GABRA2: variants seen among roughly 807,000 people sequenced by gnomAD.
The protein encoded by GABRA2 is gamma-aminobutyric acid receptor subunit alpha-2.
In GABRA2, 16 loss-of-function variants were observed where a neutral mutation model predicts 48.7. The ratio of observed to expected loss-of-function variants is 0.33; its 90% CI spans 0.22 to 0.50. The LOEUF is 0.50. Ranked by LOEUF, GABRA2 falls within the 20% of genes least tolerant of loss-of-function variation. The probability of loss-of-function intolerance (pLI) is 0.98; values close to 1 mark genes in which losing one functional copy is unlikely to be tolerated. For missense variants in GABRA2, 275 were observed against 535.6 expected (o/e 0.51, Z 4.80); for synonymous variants, 185 against 184.5 (o/e 1.00, Z -0.02).
chr4:46,284,012 G>C (rs1197759554), intron 8 of GABRA2, among the ~76,000 whole-genome samples: 1 of 149,910 alleles, frequency 6.7e-6, no homozygotes, highest in Non-Finnish European at 1.5e-5. Context: ...GCCCACCTCA[G>C]CCTCCCAAAG....
At chr4:46,309,615 G>C (rs1456770094) in intron 6 of GABRA2, among the ~76,000 whole-genome samples, 2 of 151,814 alleles carry the variant, frequency 1.3e-5, no homozygotes, top group Non-Finnish European at 2.9e-5. Context: ...ACCTAAAGAA[G>C]AGCCAACTGC....
chr4:46,357,491 C>G (rs533912725), intron 3 of GABRA2, among the ~76,000 whole-genome samples: 9 of 150,100 alleles, frequency 6.0e-5, no homozygotes, highest in African/African-American at 2.0e-4. Context: ...ATGTGTATAA[C>G]CTTGGCCAAT....
intron 3 of GABRA2, among the ~76,000 whole-genome samples, chr4:46,355,281 G>A (rs1246606045): frequency 6.6e-6 from 1 of 152,078 alleles, no homozygotes; most frequent in African/African-American, 2.4e-5. Context: ...TATATAAGCA[G>A]TCAACAGACT....
In GABRA2 at chr4:46,330,056, C is replaced by T. The variant is rs185025381; in HGVS notation, c.255+2559G>A. ...GTGTGCATATACATACTCACTCACA[C>T]GCATGTATTCTGAAATATAAAAAGA... On this transcript the variant is annotated intron_variant, in intron 4 of 9. Transcript: ENST00000381620. Among the ~76,000 whole-genome samples the T allele has an allele frequency of 1.0e-3, 152 of 152,066 alleles. No individual in the cohort carries two copies. In the Middle Eastern group the frequency reaches 0.014, roughly 14 times the overall value.
At chr4:46,340,253 A>G (rs182612033) in intron 3 of GABRA2, among the ~76,000 whole-genome samples, 5 of 151,972 alleles carry the variant, frequency 3.3e-5, no homozygotes, top group Admixed American at 3.3e-4. Flanking sequence ...TATAAAATAC[A>G]CCCTTCTAAA....
chr4:46,290,306 A>G (rs1253029065), intron 8 of GABRA2, among the ~76,000 whole-genome samples: 1 of 152,028 alleles, frequency 6.6e-6, no homozygotes, highest in Non-Finnish European at 1.5e-5. Context: ...ATTTCTGAAA[A>G]AAAAAGCCAT....
chr4:46,384,655 T>G (rs897480650), intron 3 of GABRA2, among the ~76,000 whole-genome samples: 1 of 152,164 alleles, frequency 6.6e-6, no homozygotes, highest in South Asian at 2.1e-4. Flanking sequence ...AACATCTGCC[T>G]TAGTGCAATA....
intron 9 of GABRA2, among the ~76,000 whole-genome samples, chr4:46,251,256 G>A (rs551242400): frequency 2.0e-5 from 3 of 151,450 alleles, no homozygotes; most frequent in South Asian, 4.2e-4. Flanking sequence ...CTTTGTGTCC[G>A]TCTAGCTTGG....
chr4:46,303,392 G>A (rs1433973069), intron 8 of GABRA2, 68 bp downstream of exon 8: 6 of 1,431,636 alleles, frequency 4.2e-6, no homozygotes, highest in Non-Finnish European at 5.9e-6. Flanking sequence ...AGGATCAAGA[G>A]AGATAATGTT....
At chr4:46,377,388 C>A (rs1331473917) in intron 3 of GABRA2, among the ~76,000 whole-genome samples, 32 of 151,688 alleles carry the variant, frequency 2.1e-4, no homozygotes, top group African/African-American at 7.7e-4. Context: ...TGCCCTGCCG[C>A]CCCGTCCGGG....
At chr4:46,295,513 G>A (rs1215351343) in intron 8 of GABRA2, among the ~76,000 whole-genome samples, 2 of 152,158 alleles carry the variant, frequency 1.3e-5, no homozygotes, top group Non-Finnish European at 2.9e-5. Flanking sequence ...CTTGTCTATG[G>A]ACACCACCCA....
At chr4:46,294,121 A>G (rs769249468) in intron 8 of GABRA2, among the ~76,000 whole-genome samples, 1 of 152,226 alleles carries the variant, frequency 6.6e-6, no homozygotes, top group Non-Finnish European at 1.5e-5. Context: ...TCAGGGGTAT[A>G]TCAACTCTCT....
intron 9 of GABRA2, 174 bp downstream of exon 9, chr4:46,261,752 T>C (rs997278588): frequency 3.1e-6 from 2 of 639,556 alleles, no homozygotes; most frequent in Admixed American, 2.6e-5. Flanking sequence ...GAAGTATTAG[T>C]ACTACAAGAA....
At chr4:46,376,135 A>G (rs893212174) in intron 3 of GABRA2, among the ~76,000 whole-genome samples, 2 of 152,186 alleles carry the variant, frequency 1.3e-5, no homozygotes, top group Non-Finnish European at 2.9e-5. Context: ...AGTGGCTGGC[A>G]TATCACACTC....
chr4:46,280,026 A>T (rs1183460914), intron 8 of GABRA2, among the ~76,000 whole-genome samples: 3 of 152,104 alleles, frequency 2.0e-5, no homozygotes, highest in Admixed American at 6.6e-5. Context: ...CATGCCAGAC[A>T]TTCTTCTAGG....
At chr4:46,291,750 G>T (rs1156333494) in intron 8 of GABRA2, among the ~76,000 whole-genome samples, 2 of 148,782 alleles carry the variant, frequency 1.3e-5, no homozygotes, top group East Asian at 4.0e-4. Context: ...GTGATCATGT[G>T]AGTTAATACT....
intron 3 of GABRA2, among the ~76,000 whole-genome samples, chr4:46,348,409 G>C (rs937809723): frequency 2.6e-5 from 4 of 151,994 alleles, no homozygotes; most frequent in African/African-American, 4.8e-5. Context: ...ATTTGACCCA[G>C]CCATCCCATT....
Position 46,266,810 on chromosome 4 carries a change from C to T in GABRA2, c.857-4682G>A, listed in dbSNP as rs141653732. Among the ~76,000 whole-genome samples, 10 of 149,160 alleles carry T rather than the reference C, an allele frequency of 6.7e-5. 1 individual carries two copies. The East Asian group carries it at 2.0e-3, about 30-fold the overall frequency. ...GGTCTCAGCTTACTGCAACCTTTGC[C>T]TCCCAGGTTCAAGCAATTCTCCTGC... On this transcript the variant is annotated intron_variant, in intron 8 of 9. Coordinates refer to ENST00000381620, the MANE Select transcript of GABRA2 (RefSeq NM_000807.4).
intron 3 of GABRA2, among the ~76,000 whole-genome samples, chr4:46,359,070 G>A (rs2218269): frequency 6.6e-6 from 1 of 152,092 alleles, no homozygotes; most frequent in South Asian, 2.1e-4. Flanking sequence ...TCAAAACTTA[G>A]TTTAAGTATA....
Sources: allele counts gnomAD v4.1 joint callset (sites outside exome capture counted in the v4.1 genomes callset), GRCh38; gene constraint gnomAD v4.1.1; transcripts MANE v1.5; gene names NCBI Gene and HGNC (gene_info 2026-07-23, HGNC 2026-07-21).